KDM2B: variants seen among roughly 807,000 people sequenced by gnomAD.
The protein encoded by KDM2B is lysine demethylase 2B, also known as lysine-specific demethylase 2B.
KDM2B carries 26 observed loss-of-function variants against 150.0 expected under a neutral mutation model. That is an observed-to-expected ratio of 0.17 (90% confidence interval 0.13 to 0.24). KDM2B has a LOEUF of 0.24. Ranked by LOEUF, KDM2B falls within the 10% of genes least tolerant of loss-of-function variation. The pLI is 1.00. For missense variants in KDM2B, 1,265 were observed against 1,816.9 expected, an observed-to-expected ratio of 0.70 and a Z score of 5.52; for synonymous variants, 734 against 729.5, an observed-to-expected ratio of 1.01 and a Z score of -0.10.
chr12:121,561,117 G>A (rs1023741656), intron 4 of KDM2B, among the ~76,000 whole-genome samples: 2 of 152,148 alleles, frequency 1.3e-5, no homozygotes, highest in African/African-American at 4.8e-5. Context: ...TTCCAGCTGC[G>A]GAAATTAGTC....
Position 121,564,415 on chromosome 12 carries a change from G to A in KDM2B, c.397+10132C>T, listed in dbSNP as rs146451642. Among the ~76,000 whole-genome samples, 915 of 151,994 alleles carry A rather than the reference G, an allele frequency of 6.0e-3. 10 individuals are homozygous for A. The highest frequency in any genetic ancestry group is 0.021 in the African/African-American group (874 of 41,442). ...GGAGCTTGCAGTGAGCCGAGATGGC[G>A]CCACTGCACTTCAGCCTGGGCAACA... On this transcript the variant is annotated intron_variant, in intron 4 of 22. Coordinates refer to ENST00000377071, the MANE Select transcript of KDM2B (RefSeq NM_032590.5).
intron 1 of KDM2B, chr12:121,580,110 G>C (rs1320979925): frequency 6.3e-7 from 1 of 1,578,520 alleles, no homozygotes. Flanking sequence ...CATTTTGGCC[G>C]AGGGGGGAAG....
At chr12:121,422,199 T>C in the KDM2B span, among the ~76,000 whole-genome samples, 1 of 152,234 alleles carries the variant, frequency 6.6e-6, no homozygotes, top group Non-Finnish European at 1.5e-5. Context: ...TTCCAGTGTC[T>C]TTCTCCATTA....
chr12:121,442,928 A>G lies in KDM2B; in HGVS notation c.2604+64T>C. The G allele has an allele frequency of 1.9e-6, 3 of 1,592,506 alleles. No individual in the cohort carries two copies. Among genetic ancestry groups the G allele is most frequent in the Non-Finnish European group, 2.6e-6 (3 of 1,168,380 alleles). Reference sequence around the variant, plus strand: ...CCCCCCTGCCACGGGACTGTGGCCCAGGGAGCTGCGGTGCAGCTCTAACCG... The same window carrying G: ...CCCCCCTGCCACGGGACTGTGGCCCGGGGAGCTGCGGTGCAGCTCTAACCG... On this transcript the variant is annotated intron_variant, in intron 18 of 22. Transcript: ENST00000377071. The surrounding 1 kb of genome is among the most constrained non-coding windows in gnomAD (Gnocchi z 7.7).
intron 12 of KDM2B, among the ~76,000 whole-genome samples, chr12:121,464,957 G>C (rs1593840916): frequency 6.6e-6 from 1 of 152,298 alleles, no homozygotes; most frequent in African/African-American, 2.4e-5. Flanking sequence ...AGCATGCAGG[G>C]AGGCAAGGAG....
At chr12:121,540,524 G>A (rs551184880) in intron 6 of KDM2B, among the ~76,000 whole-genome samples, 3 of 152,040 alleles carry the variant, frequency 2.0e-5, no homozygotes, top group East Asian at 1.9e-4. Flanking sequence ...TGAGGCAGGC[G>A]GATCACCTGA....
intron 4 of KDM2B, among the ~76,000 whole-genome samples, chr12:121,564,577 A>G (rs1890566167): frequency 6.6e-6 from 1 of 152,182 alleles, no homozygotes; most frequent in Non-Finnish European, 1.5e-5. Context: ...AACCCCAAAA[A>G]TCAAATACCT....
At chr12:121,571,653 AT>A (rs113925677) in intron 4 of KDM2B, among the ~76,000 whole-genome samples, 3,472 of 133,964 alleles carry the variant, frequency 0.026, 88 homozygotes, top group African/African-American at 0.069. Context: ...TATGATCTCA[AT>A]TTTTTTTTTT....
chr12:121,575,755 A>G lies in KDM2B; in HGVS notation c.350+26T>C, dbSNP rs782480457. ...GTATGTTAGGGAGGAAGACGGGGGA[A>G]GGAGTGATTAGTTTCAGCAACTTAC... On this transcript the variant is annotated intron_variant, in intron 3 of 22. Transcript: ENST00000377071. This position sits in a 1 kb window ranked among gnomAD's most constrained non-coding sequence, Gnocchi z 4.4. 10 of 1,498,578 alleles carry G rather than the reference A, an allele frequency of 6.7e-6. No homozygotes were observed. Among genetic ancestry groups the G allele is most frequent in the Non-Finnish European group, 9.3e-6 (10 of 1,074,696 alleles). The allele number at this position is 1,498,578 out of a possible 1,614,324, so 92.8% of individuals were successfully genotyped here.
intron 12 of KDM2B, among the ~76,000 whole-genome samples, chr12:121,461,165 G>C (rs1879063957): frequency 6.6e-6 from 1 of 152,156 alleles, no homozygotes; most frequent in South Asian, 2.1e-4. Context: ...ACAGGACCCT[G>C]CGTGCCAGGG....
In KDM2B at chr12:121,440,030, C is replaced by A; in HGVS notation, c.3656G>T (p.Arg1219Leu). The A allele has an allele frequency of 6.2e-7, 1 of 1,613,226 alleles. No homozygotes were observed. The highest frequency in any genetic ancestry group is 8.5e-7 in the Non-Finnish European group (1 of 1,179,754). Residue 1219 changes from arginine (R) to leucine (L), a missense_variant, in exon 22 of 23, where the codon CGC (arginine) becomes CTC (leucine). Physicochemically the swap from Arg to Leu is moderately radical, Grantham distance 102. This residue lies in a region of KDM2B where 251 missense variants were observed against 397.8 expected (regional missense o/e 0.63). Transcript: ENST00000377071. ...RSKLRNIVEL[R>L]LAGLDITDAS... ...ATCTGTGATGTCCAGGCCTGCCAGG[C>A]GCAGCTCCACGATGTTCCGGAGCTT...
At chr12:121,488,025 C>T (rs1472816683) in intron 12 of KDM2B, among the ~76,000 whole-genome samples, 1 of 152,040 alleles carries the variant, frequency 6.6e-6, no homozygotes, top group African/African-American at 2.4e-5. Flanking sequence ...TCAACTGACC[C>T]GCCCGCCTCA....
intron 4 of KDM2B, among the ~76,000 whole-genome samples, chr12:121,570,325 T>G (rs1359972275): frequency 6.6e-6 from 1 of 152,106 alleles, no homozygotes; most frequent in Non-Finnish European, 1.5e-5. Context: ...GTGCTGGGAT[T>G]CCAAGCGTGA....
At position 121,485,709 on chromosome 12, in the gene KDM2B, T is replaced by C. The variant is rs373041259; in HGVS notation, c.1734+8870A>G. Among the ~76,000 whole-genome samples the C allele has an allele frequency of 3.2e-3, 485 of 152,018 alleles. 6 individuals are homozygous for C. The highest frequency in any genetic ancestry group is 0.011 in the African/African-American group (471 of 41,464). On this transcript the variant is annotated intron_variant, in intron 12 of 22. Coordinates refer to ENST00000377071, the MANE Select transcript of KDM2B (RefSeq NM_032590.5). ...AAAGGGTCCTGGAGATGGTGGGTGG[T>C]GATGGCTGCACAACACGTTCAATAA...
intron 12 of KDM2B, among the ~76,000 whole-genome samples, chr12:121,455,764 C>G (rs1211619500): frequency 6.6e-6 from 1 of 152,190 alleles, no homozygotes; most frequent in Non-Finnish European, 1.5e-5. Flanking sequence ...CCAACATACT[C>G]GCATAGTCCC....
chr12:121,442,336 A>G lies in KDM2B; in HGVS notation c.3105T>C (p.Cys1035=), dbSNP rs1555288577. ...GGATCACATGGCGCTCCATCTGGAT[A>G]CACTTGGGCGGGGACACGGAGGGTG... ...RPPPSVSPPK[C]IQMERHVIRP... is the part of the protein sequence containing the mutation. The change falls in exon 19 of 23, where the codon TGT becomes TGC. Residue 1035 remains cysteine (C), a synonymous_variant. Coordinates refer to ENST00000377071, the MANE Select transcript of KDM2B (RefSeq NM_032590.5). This position sits in a 1 kb window ranked among gnomAD's most constrained non-coding sequence, Gnocchi z 7.7. 2 of 1,594,484 alleles carry G rather than the reference A, an allele frequency of 1.3e-6. No individual in the cohort carries two copies. Among genetic ancestry groups the G allele is most frequent in the East Asian group, 2.2e-5 (1 of 44,524 alleles).
chr12:121,414,573 A>G, the KDM2B span, among the ~76,000 whole-genome samples: 2 of 152,268 alleles, frequency 1.3e-5, no homozygotes, highest in Non-Finnish European at 1.5e-5. Flanking sequence ...AGTAGCAAAT[A>G]GCCCTTACGC....
chr12:121,499,038 T>C lies in KDM2B; in HGVS notation c.1648-4373A>G, dbSNP rs375674275. ...GTTGCCCAGGTTGGTCTCAAATTCC[T>C]ACGGTCAACTGATCCTCTGGCCTAC... On this transcript the variant is annotated intron_variant, in intron 11 of 22. Transcript: ENST00000377071. Among the ~76,000 whole-genome samples the C allele has an allele frequency of 4.6e-5, 7 of 152,082 alleles. No homozygotes were observed. In the South Asian group the frequency reaches 8.3e-4, roughly 18 times the overall value.
intron 1 of KDM2B, chr12:121,580,311 G>A: frequency 3.8e-6 from 4 of 1,053,894 alleles, no homozygotes; most frequent in Non-Finnish European, 4.6e-6. Flanking sequence ...TGCCGATCGC[G>A]CTCGGAGCCC....
Sources: allele counts gnomAD v4.1 joint callset (sites outside exome capture counted in the v4.1 genomes callset), GRCh38; gene constraint gnomAD v4.1.1; regional missense constraint gnomAD v4.1.1; non-coding constraint Gnocchi (gnomAD v3.1); transcripts MANE v1.5; gene names NCBI Gene and HGNC (gene_info 2026-07-23, HGNC 2026-07-21).